The following MICOS10 variants were observed in gnomAD, a reference collection of about 807,000 sequenced individuals.
The protein encoded by MICOS10 is mitochondrial contact site and cristae organizing system subunit 10.
Under a neutral mutation model 13.4 loss-of-function variants are expected in MICOS10, and 5 were observed. The observed-to-expected ratio is 0.37, with a 90% CI of 0.20 to 0.78. The LOEUF is 0.78. Among genes scored for constraint, MICOS10 ranks in the 30% least tolerant of loss-of-function variants. The pLI, the probability that MICOS10 is intolerant of heterozygous loss-of-function variation, is 0.47. For missense variants in MICOS10, 101 were observed against 94.6 expected, an observed-to-expected ratio of 1.07 and a Z score of -0.28; for synonymous variants, 35 against 33.6, an observed-to-expected ratio of 1.04 and a Z score of -0.15.
chr1:19,617,166 C>T, intron 1 of MICOS10: 1 of 536,650 alleles, frequency 1.9e-6, no homozygotes, highest in Non-Finnish European at 2.4e-6. Flanking sequence ...TTTGGCTTTT[C>T]TTGAAGCAGA....
At chr1:19,602,796 A>G (rs1330894302) in intron 1 of MICOS10, among the ~76,000 whole-genome samples, 1 of 152,134 alleles carries the variant, frequency 6.6e-6, no homozygotes, top group African/African-American at 2.4e-5. Flanking sequence ...TAAGTCACAC[A>G]TTTCTTATTA....
chr1:19,601,048 T>A, intron 1 of MICOS10: 1 of 1,271,102 alleles, frequency 7.9e-7, no homozygotes, highest in Admixed American at 2.3e-5. Context: ...TTTTCCCACC[T>A]GTTTGCTGTA....
chr1:19,607,987 C>T lies in MICOS10; in HGVS notation c.64+10878C>T, dbSNP rs140161862. 65 of 615,014 alleles carry T rather than the reference C, an allele frequency of 1.1e-4. No homozygotes were observed. The East Asian group carries it at 1.6e-3, about 15-fold the overall frequency. 38.1% of individuals were successfully genotyped at this position (615,014 alleles called of 1,614,324 possible). ...ATCTTTTCAACAAACCATGCTAAAA[C>T]GACTAGGTTTCCATATAGAGAAAAA... On this transcript the variant is annotated intron_variant, in intron 1 of 3. Transcript: ENST00000322753.
chr1:19,606,499 G>A (rs968391213), intron 1 of MICOS10, among the ~76,000 whole-genome samples: 10 of 152,084 alleles, frequency 6.6e-5, no homozygotes, highest in Middle Eastern at 3.2e-3. Context: ...TAATCCCAGC[G>A]CTTTGGGAGG....
At chr1:19,600,695 G>A in intron 1 of MICOS10, 1 of 360,662 alleles carries the variant, frequency 2.8e-6, no homozygotes. Context: ...TTGACCTCCA[G>A]AGCTCAGGTG....
At position 19,627,549 on chromosome 1, in the gene MICOS10, GAGA is replaced by G. The variant is rs1448664460; in HGVS notation, c.*1151_*1153del. ...TAGGCAAAGTACACTGAGAACAAAG[GAGA>G]AGGAGCAACTATGTCTCCCTAGGAT... On this transcript the variant is annotated 3_prime_UTR_variant, in exon 4 of 4. Transcript: ENST00000322753. 5.3e-5 allele frequency: 8 copies of G among 152,356 alleles called. No individual in the cohort carries two copies. In the East Asian group the frequency reaches 1.5e-3, roughly 29 times the overall value. The allele number at this position is 152,356 out of a possible 1,614,324, so 9.4% of individuals were successfully genotyped here. A position where few individuals can be genotyped will look rare whatever the true frequency, so the allele number is the denominator to read the frequency against.
intron 1 of MICOS10, among the ~76,000 whole-genome samples, chr1:19,615,350 A>C (rs1180968311): frequency 7.3e-6 from 1 of 136,970 alleles, no homozygotes; most frequent in Admixed American, 6.8e-5. Context: ...AGTGTTTTAC[A>C]CATCTCATGG....
chr1:19,613,897 C>T (rs565212106), intron 1 of MICOS10, among the ~76,000 whole-genome samples: 1 of 152,012 alleles, frequency 6.6e-6, no homozygotes, highest in Non-Finnish European at 1.5e-5. Flanking sequence ...AGGCAAGTGA[C>T]TTCACCTTTC....
At chr1:19,625,308 A>C in intron 3 of MICOS10, 1 of 1,223,642 alleles carries the variant, frequency 8.2e-7, no homozygotes, top group Non-Finnish European at 1.1e-6. Context: ...TGCATGTCCT[A>C]ATTCTAGTCA....
chr1:19,603,412 G>A (rs1354071142), intron 1 of MICOS10, among the ~76,000 whole-genome samples: 7 of 152,166 alleles, frequency 4.6e-5, no homozygotes, highest in Non-Finnish European at 8.8e-5. Context: ...CTTGAATGCC[G>A]AAGGCTTGCA....
In MICOS10 at chr1:19,599,791, G is replaced by T. The variant is rs575600795; in HGVS notation, c.64+2682G>T. Among the ~76,000 whole-genome samples the T allele has an allele frequency of 1.6e-3, 249 of 152,304 alleles. 1 individual carries two copies. Among genetic ancestry groups the T allele is most frequent in the African/African-American group, 5.6e-3 (232 of 41,560 alleles). ...TCCTAATTTCAGTGCAGAGAGGCTG[G>T]TTTAGGTGGAGTCAGAACTGTGAAA... On this transcript the variant is annotated intron_variant, in intron 1 of 3. Coordinates refer to ENST00000322753, the MANE Select transcript of MICOS10 (RefSeq NM_001032363.4).
At chr1:19,620,228 T>C (rs1438286874) in intron 1 of MICOS10, among the ~76,000 whole-genome samples, 3 of 152,226 alleles carry the variant, frequency 2.0e-5, no homozygotes, top group Admixed American at 6.5e-5. Flanking sequence ...TTTATTGTTA[T>C]GAAGTTTAAA....
intron 1 of MICOS10, among the ~76,000 whole-genome samples, chr1:19,621,091 C>T (rs891110109): frequency 1.3e-5 from 2 of 152,336 alleles, no homozygotes; most frequent in African/African-American, 4.8e-5. Flanking sequence ...TCTTACTCAT[C>T]TTCCAGCTGC....
intron 1 of MICOS10, among the ~76,000 whole-genome samples, chr1:19,610,562 A>G (rs995633814): frequency 2.0e-5 from 3 of 151,122 alleles, no homozygotes; most frequent in Admixed American, 6.6e-5. Flanking sequence ...ATCTTAACGG[A>G]TACTGAGAGA....
intron 3 of MICOS10, chr1:19,625,339 C>A: frequency 7.8e-7 from 1 of 1,275,350 alleles, no homozygotes; most frequent in South Asian, 1.2e-5. Flanking sequence ...CCACAAGGGC[C>A]ACCAAATCCA....
intron 2 of MICOS10, among the ~76,000 whole-genome samples, chr1:19,623,068 C>T (rs113087131): frequency 0.076 from 11,573 of 152,002 alleles, 515 homozygotes; most frequent in African/African-American, 0.097. Context: ...ATTACAGGCA[C>T]ACGCCACCAT....
chr1:19,597,793 A>T (rs1189159244), intron 1 of MICOS10: 3 of 152,190 alleles, frequency 2.0e-5, no homozygotes, highest in Non-Finnish European at 4.4e-5. Flanking sequence ...TCGTTTATTG[A>T]GCGTATATTG....
rs558030709 is a variant in MICOS10 at position 19,605,428 on chromosome 1, T to G, written c.64+8319T>G. 1.3e-4 allele frequency among the ~76,000 whole-genome samples: 20 copies of G among 152,242 alleles called. No homozygotes were observed. In the South Asian group the frequency reaches 3.9e-3, roughly 30 times the overall value. On this transcript the variant is annotated intron_variant, in intron 1 of 3. Coordinates refer to ENST00000322753, the MANE Select transcript of MICOS10 (RefSeq NM_001032363.4). ...CTATTCCCAAACTCTCACCCCAACC[T>G]TAGCCCCAGGCAACCACCAATTTAC...
intron 3 of MICOS10, 178 bp downstream of exon 3, chr1:19,623,761 T>C (rs948266990): frequency 1.8e-6 from 1 of 552,226 alleles, no homozygotes; most frequent in Non-Finnish European, 3.2e-6. Flanking sequence ...TGCTAAAGTC[T>C]CCCCTGTGCC....
Sources: gnomAD v4.1 joint callset for allele counts (sites outside exome capture counted in the v4.1 genomes callset) on GRCh38, gnomAD v4.1.1 for gene constraint, MANE v1.5 for transcripts, NCBI Gene and HGNC (gene_info 2026-07-23, HGNC 2026-07-21) for gene names.